TSHZ2: variants seen among roughly 807,000 people sequenced by gnomAD.
The protein encoded by TSHZ2 is teashirt homolog 2.
TSHZ2 carries 21 observed loss-of-function variants against 74.4 expected under a neutral mutation model. That is an observed-to-expected ratio of 0.28 (90% CI 0.20 to 0.41). TSHZ2 has a LOEUF of 0.41. Among genes scored for constraint, TSHZ2 ranks in the 10% least tolerant of loss-of-function variants. The pLI is 1.00. For missense variants in TSHZ2, 1,244 were observed against 1,293.5 expected, an observed-to-expected ratio of 0.96 and a Z score of 0.59; for synonymous variants, 540 against 515.3, an observed-to-expected ratio of 1.05 and a Z score of -0.65.
intron 1 of TSHZ2, among the ~76,000 whole-genome samples, chr20:53,206,089 C>T (rs535172953): frequency 3.3e-5 from 5 of 152,048 alleles, no homozygotes; most frequent in East Asian, 3.9e-4. Flanking sequence ...TGTGGTGGCA[C>T]GAGCCTGTAA....
At chr20:53,174,198 A>AT (rs1259185849) in intron 1 of TSHZ2, among the ~76,000 whole-genome samples, 2 of 152,214 alleles carry the variant, frequency 1.3e-5, no homozygotes, top group Non-Finnish European at 2.9e-5. Context: ...TAGAGCTAGG[A>AT]TAGGGTTGTG....
intron 2 of TSHZ2, among the ~76,000 whole-genome samples, chr20:53,340,836 T>C (rs1212911901): frequency 6.6e-6 from 1 of 152,100 alleles, no homozygotes; most frequent in African/African-American, 2.4e-5. Flanking sequence ...TCACCAAGCA[T>C]GGGAGAGGGA....
intron 2 of TSHZ2, among the ~76,000 whole-genome samples, chr20:53,479,122 G>A (rs368205790): frequency 3.1e-4 from 46 of 149,574 alleles, no homozygotes; most frequent in East Asian, 1.2e-3. Flanking sequence ...CCAAGATCGC[G>A]CCACTGCACT....
chr20:53,200,429 G>A (rs1202672130), intron 1 of TSHZ2, among the ~76,000 whole-genome samples: 1 of 152,214 alleles, frequency 6.6e-6, no homozygotes, highest in Non-Finnish European at 1.5e-5. Flanking sequence ...TCAAATCTGG[G>A]AGTGATTGGA....
intron 1 of TSHZ2, among the ~76,000 whole-genome samples, chr20:53,188,115 A>G (rs1158099773): frequency 1.3e-5 from 2 of 152,178 alleles, no homozygotes; most frequent in African/African-American, 4.8e-5. Context: ...TTTTGTGCCC[A>G]CAGTTCCCTT....
intron 1 of TSHZ2, among the ~76,000 whole-genome samples, chr20:53,146,974 G>A (rs1400387867): frequency 6.6e-6 from 1 of 152,164 alleles, no homozygotes; most frequent in Non-Finnish European, 1.5e-5. Context: ...TATTTATAAA[G>A]CATTTGATGT....
At chr20:53,167,165 T>C (rs555473410) in intron 1 of TSHZ2, among the ~76,000 whole-genome samples, 21 of 152,264 alleles carry the variant, frequency 1.4e-4, no homozygotes, top group African/African-American at 4.8e-4. Context: ...GCTCAATGAA[T>C]CCAGAATAAA....
chr20:53,428,785 C>A (rs192206836), intron 2 of TSHZ2, among the ~76,000 whole-genome samples: 43 of 152,268 alleles, frequency 2.8e-4, no homozygotes, highest in African/African-American at 9.1e-4. Context: ...CCCCACAGAG[C>A]CGTCTCATTC....
At chr20:53,323,605 A>G (rs1979372664) in intron 2 of TSHZ2, among the ~76,000 whole-genome samples, 1 of 90,772 alleles carries the variant, frequency 1.1e-5, no homozygotes, top group African/African-American at 4.7e-5. Flanking sequence ...TGACAGAGTC[A>G]TGCTCTGTCA....
At chr20:53,420,220 A>T (rs1005842560) in intron 2 of TSHZ2, among the ~76,000 whole-genome samples, 4 of 152,224 alleles carry the variant, frequency 2.6e-5, no homozygotes, top group African/African-American at 9.6e-5. Flanking sequence ...AAGGCCAGGT[A>T]CAGGGAGGAT....
At chr20:52,981,736 C>T (rs1031755312) in intron 1 of TSHZ2, among the ~76,000 whole-genome samples, 1 of 152,170 alleles carries the variant, frequency 6.6e-6, no homozygotes, top group Non-Finnish European at 1.5e-5. Context: ...AAAAGAGTTT[C>T]TTTCCCAAGA....
At chr20:53,231,085 A>G (rs2069629605) in intron 1 of TSHZ2, among the ~76,000 whole-genome samples, 1 of 152,200 alleles carries the variant, frequency 6.6e-6, no homozygotes, top group Admixed American at 6.5e-5. Flanking sequence ...AGCAGCAGCA[A>G]CTTCACTTTG....
At chr20:53,236,483 C>G (rs118140977) in intron 1 of TSHZ2, among the ~76,000 whole-genome samples, 35 of 152,316 alleles carry the variant, frequency 2.3e-4, no homozygotes, top group Middle Eastern at 3.4e-3. Context: ...CAGAAACACA[C>G]GTGCCTCCAC....
chr20:53,215,894 A>T (rs1314310357), intron 1 of TSHZ2, among the ~76,000 whole-genome samples: 2 of 151,982 alleles, frequency 1.3e-5, no homozygotes, highest in African/African-American at 4.8e-5. Context: ...AAATTTAAAA[A>T]ATGGTTTCAT....
chr20:53,377,412 A>G (rs992501974), intron 2 of TSHZ2, among the ~76,000 whole-genome samples: 5 of 152,072 alleles, frequency 3.3e-5, no homozygotes, highest in Non-Finnish European at 7.4e-5. Flanking sequence ...AAGCAAGACT[A>G]CTCCTTGGCT....
intron 1 of TSHZ2, among the ~76,000 whole-genome samples, chr20:53,102,950 A>T (rs1480121270): frequency 6.6e-6 from 1 of 152,054 alleles, no homozygotes; most frequent in Non-Finnish European, 1.5e-5. Flanking sequence ...TACATGTGCC[A>T]TGCTGGTGCG....
intron 2 of TSHZ2, among the ~76,000 whole-genome samples, chr20:53,310,576 G>C (rs978103064): frequency 6.6e-6 from 1 of 152,160 alleles, no homozygotes; most frequent in Non-Finnish European, 1.5e-5. Context: ...GGTTTGACTG[G>C]GGAAAGACCC....
chr20:52,975,522 GGTGTGT>G (rs11470780), intron 1 of TSHZ2, among the ~76,000 whole-genome samples: 17 of 150,196 alleles, frequency 1.1e-4, no homozygotes, highest in African/African-American at 4.1e-4. Flanking sequence ...GGTGTGTGGG[GGTGTGT>G]GTGTGTGTGT....
Position 53,102,009 on chromosome 20 carries a change from A to G in TSHZ2, c.40+128676A>G, listed in dbSNP as rs149559976. Among the ~76,000 whole-genome samples, 16 of 150,744 alleles carry G rather than the reference A, an allele frequency of 1.1e-4. No homozygotes were observed. The East Asian group carries it at 2.7e-3, about 25-fold the overall frequency. ...ACTTTTTTTTAATTTGGTAACAATA[A>G]ATAAGTCTCTTGGCTGACTTCCAAG... On this transcript the variant is annotated intron_variant, in intron 1 of 2. Transcript: ENST00000371497.
Sources: gnomAD v4.1 joint callset for allele counts (sites outside exome capture counted in the v4.1 genomes callset) on GRCh38, gnomAD v4.1.1 for gene constraint, MANE v1.5 for transcripts, NCBI Gene and HGNC (gene_info 2026-07-23, HGNC 2026-07-21) for gene names.